RBP5: variants seen among roughly 807,000 people sequenced by gnomAD.
The protein encoded by RBP5 is retinol-binding protein 5.
Under a neutral mutation model 17.8 loss-of-function variants are expected in RBP5, and 12 were observed. That is an observed-to-expected ratio of 0.67 (90% CI 0.43 to 1.09). The LOEUF (loss-of-function observed/expected upper bound fraction) is 1.09, where lower values mean the gene tolerates loss of function less well. Among genes scored for constraint, RBP5 ranks in the 50% least tolerant of loss-of-function variants. RBP5 has a pLI of 0.00. For synonymous variants in RBP5, 64 were observed against 68.1 expected, an observed-to-expected ratio of 0.94 and a Z score of 0.30; for missense variants, 172 against 169.4, an observed-to-expected ratio of 1.02 and a Z score of -0.09.
chr12:7,129,841 G>A (rs376761763), upstream of RBP5: 28 of 981,858 alleles, frequency 2.9e-5, no homozygotes, highest in African/African-American at 4.4e-4. This position sits in a 1 kb window ranked among gnomAD's most constrained non-coding sequence, Gnocchi z 5.5. Flanking sequence ...CGTGCGCGAG[G>A]GGTGCACGAC....
chr12:7,128,877 A>ATCCTGTCTCTGTGTGTG lies in RBP5; in HGVS notation c.-103_-102insCACACACAGAGACAGGA. ...AGAGATTCCAGCCAGCTCCACACAC[A>ATCCTGTCTCTGTGTGTG]GAGACAGGATGTGTAATGGCCGGGT... is the stretch of plus-strand genomic sequence containing the variant. On this transcript the variant is annotated 5_prime_UTR_variant, in exon 1 of 4. In the 5' UTR this introduces an upstream ATG that the reference lacks. Transcript: ENST00000266560. The surrounding 1 kb of genome is among the most constrained non-coding windows in gnomAD (Gnocchi z 5.3). 1.1e-6 allele frequency: 1 copy of ATCCTGTCTCTGTGTGTG among 940,494 alleles called. No individual in the cohort carries two copies. The allele number at this position is 940,494 out of a possible 1,614,324, so 58.3% of individuals were successfully genotyped here.
In RBP5 at chr12:7,123,835, A is replaced by G; in HGVS notation, c.*286T>C. ...GTCAAATGGACAGGAGAGAGCGGAG[A>G]TTGGTTGTTCTCAGGGGCTCCTTCC... On this transcript the variant is annotated 3_prime_UTR_variant, in exon 4 of 4. Coordinates refer to ENST00000266560, the MANE Select transcript of RBP5 (RefSeq NM_031491.4). 2.4e-6 allele frequency: 1 copy of G among 423,906 alleles called. No homozygotes were observed. Among genetic ancestry groups the G allele is most frequent in the Non-Finnish European group, 4.3e-6 (1 of 232,166 alleles). The allele number at this position is 423,906 out of a possible 1,614,324, so 26.3% of individuals were successfully genotyped here.
In RBP5 at chr12:7,128,557, G is replaced by T; in HGVS notation, c.74-139C>A. 1.7e-6 allele frequency: 2 copies of T among 1,188,080 alleles called. No individual in the cohort carries two copies. The highest frequency in any genetic ancestry group is 2.4e-6 in the Non-Finnish European group (2 of 821,312). 73.6% of individuals were successfully genotyped at this position (1,188,080 alleles called of 1,614,324 possible). On this transcript the variant is annotated intron_variant, in intron 1 of 3. Coordinates refer to ENST00000266560, the MANE Select transcript of RBP5 (RefSeq NM_031491.4). The surrounding 1 kb of genome is among the most constrained non-coding windows in gnomAD (Gnocchi z 5.3). ...ACCCCCTCCTACCAATGCCTGGTTA[G>T]AAATGGATCCCAGGTCTGGTGCCAG...
upstream of RBP5, chr12:7,129,773 T>C (rs1177661561): frequency 8.1e-6 from 8 of 985,530 alleles, no homozygotes; most frequent in Non-Finnish European, 9.6e-6. This position sits in a 1 kb window ranked among gnomAD's most constrained non-coding sequence, Gnocchi z 5.5. Flanking sequence ...TAAGGTGAAA[T>C]TCGGGGCGAA....
At chr12:7,120,557 G>A (rs1220370861), downstream of RBP5, 1 of 155,738 alleles carries the variant, frequency 6.4e-6, no homozygotes, top group Non-Finnish European at 1.5e-5. Context: ...TTCACCTCCT[G>A]CTGTACCTAC....
At position 7,124,809 on chromosome 12, in the gene RBP5, C is replaced by T. The variant is rs1939134210; in HGVS notation, c.253-79G>A. On this transcript the variant is annotated intron_variant, in intron 2 of 3. Coordinates refer to ENST00000266560, the MANE Select transcript of RBP5 (RefSeq NM_031491.4). This position sits in a 1 kb window ranked among gnomAD's most constrained non-coding sequence, Gnocchi z 5.3. ...CTTCCCATCTCACTCTGAATGGGCT[C>T]CCCCTTTTACTCCACAGCAGATACT... is the stretch of plus-strand genomic sequence containing the variant. 3 of 812,692 alleles carry T rather than the reference C, an allele frequency of 3.7e-6. No homozygotes were observed. Among genetic ancestry groups the T allele is most frequent in the Non-Finnish European group, 6.5e-6 (3 of 464,242 alleles). 50.3% of individuals were successfully genotyped at this position (812,692 alleles called of 1,614,324 possible).
chr12:7,126,533 G>T (rs903622557), intron 2 of RBP5, among the ~76,000 whole-genome samples: 13 of 129,578 alleles, frequency 1.0e-4, no homozygotes, highest in Non-Finnish European at 1.8e-4. Flanking sequence ...GTGTGTGTGT[G>T]TGTGTGTGTG....
downstream of RBP5, among the ~76,000 whole-genome samples, chr12:7,120,346 G>A (rs1039623733): frequency 1.3e-5 from 2 of 152,274 alleles, no homozygotes; most frequent in South Asian, 4.1e-4. Flanking sequence ...GGTCTGGGGA[G>A]AGGGGGCAGG....
At chr12:7,127,632 A>G (rs925240190) in intron 2 of RBP5, 21 of 700,884 alleles carry the variant, frequency 3.0e-5, no homozygotes, top group African/African-American at 3.0e-4. Context: ...TGGAGGGCCA[A>G]CTGTATTTTG....
In RBP5 at chr12:7,128,622, C is replaced by T; in HGVS notation, c.73+81G>A. 2.2e-6 allele frequency: 3 copies of T among 1,370,086 alleles called. No homozygotes were observed. Among genetic ancestry groups the T allele is most frequent in the Non-Finnish European group, 2.0e-6 (2 of 982,208 alleles). 84.9% of individuals were successfully genotyped at this position (1,370,086 alleles called of 1,614,324 possible). ...CCACAGTGTCCAACCCCGGGCATTC[C>T]CTCTTCTCCATGGGACCAAGAAGCA... is the stretch of plus-strand genomic sequence containing the variant. On this transcript the variant is annotated intron_variant, in intron 1 of 3. Transcript: ENST00000266560. The surrounding 1 kb of genome is among the most constrained non-coding windows in gnomAD (Gnocchi z 5.3).
chr12:7,127,424 C>T lies in RBP5; in HGVS notation c.252+816G>A, dbSNP rs1291375217. On this transcript the variant is annotated intron_variant, in intron 2 of 3. Coordinates refer to ENST00000266560, the MANE Select transcript of RBP5 (RefSeq NM_031491.4). ...GGATTATGGGTGTGAGCCACCACGC[C>T]CAGCCTTTTCCCATATGCTTTAAAT... is the stretch of plus-strand genomic sequence containing the variant. 9 of 449,854 alleles carry T rather than the reference C, an allele frequency of 2.0e-5. No homozygotes were observed. In the Admixed American group the frequency reaches 3.2e-4, roughly 16 times the overall value. The allele number at this position is 449,854 out of a possible 1,614,324, so 27.9% of individuals were successfully genotyped here.
At chr12:7,129,857 G>T, upstream of RBP5, 1 of 971,594 alleles carries the variant, frequency 1.0e-6, no homozygotes, top group Non-Finnish European at 1.2e-6. The surrounding 1 kb of genome is among the most constrained non-coding windows in gnomAD (Gnocchi z 5.5). Flanking sequence ...ACGACGTCCT[G>T]CCCCTCCTTG....
Position 7,128,885 on chromosome 12 carries a change from G to A in RBP5, c.-110C>T. ...CAGCCAGCTCCACACACAGAGACAG[G>A]ATGTGTAATGGCCGGGTTACCAGGG... On this transcript the variant is annotated 5_prime_UTR_variant, in exon 1 of 4. Coordinates refer to ENST00000266560, the MANE Select transcript of RBP5 (RefSeq NM_031491.4). The surrounding 1 kb of genome is among the most constrained non-coding windows in gnomAD (Gnocchi z 5.3). 1 of 868,146 alleles carries A rather than the reference G, an allele frequency of 1.2e-6. No individual in the cohort carries two copies. Among genetic ancestry groups the A allele is most frequent in the East Asian group, 2.7e-5 (1 of 37,174 alleles). 53.8% of individuals were successfully genotyped at this position (868,146 alleles called of 1,614,324 possible). A position where few individuals can be genotyped will look rare whatever the true frequency, so the allele number is the denominator to read the frequency against.
At position 7,128,413 on chromosome 12, in the gene RBP5, T is replaced by C; in HGVS notation, c.79A>G (p.Ser27Gly). Residue 27 changes from serine to glycine, a missense_variant, in exon 2 of 4, where the codon AGC becomes GGC. Transcript: ENST00000266560. This position sits in a 1 kb window ranked among gnomAD's most constrained non-coding sequence, Gnocchi z 5.3. The stretch of plus-strand genomic sequence containing the variant: ...AGCGCGATCTTCCGCACAGCCAAGC[T>C]GATGTCTGTGGGGGCTGCCTGTTAG... ...MEDYLQALNI[S>G]LAVRKIALLL... 6.2e-7 allele frequency: 1 copy of C among 1,614,078 alleles called. No individual in the cohort carries two copies. Among genetic ancestry groups the C allele is most frequent in the Non-Finnish European group, 8.5e-7 (1 of 1,179,948 alleles).
chr12:7,122,091 T>C (rs1341878124), downstream of RBP5, among the ~76,000 whole-genome samples: 3 of 21,038 alleles, frequency 1.4e-4, no homozygotes, highest in Admixed American at 1.3e-3. Context: ...TGTTTATATG[T>C]GTGTGTGTGT....
At chr12:7,128,902 T>C, upstream of RBP5, 1 of 769,264 alleles carries the variant, frequency 1.3e-6, no homozygotes, top group East Asian at 2.8e-5. The surrounding 1 kb of genome is among the most constrained non-coding windows in gnomAD (Gnocchi z 5.3). Flanking sequence ...AATGGCCGGG[T>C]TACCAGGGCT....
At position 7,128,567 on chromosome 12, in the gene RBP5, C is replaced by T; in HGVS notation, c.73+136G>A. The T allele has an allele frequency of 8.4e-7, 1 of 1,189,100 alleles. No homozygotes were observed. Among genetic ancestry groups the T allele is most frequent in the Non-Finnish European group, 1.2e-6 (1 of 821,806 alleles). The allele number at this position is 1,189,100 out of a possible 1,614,324, so 73.7% of individuals were successfully genotyped here. On this transcript the variant is annotated intron_variant, in intron 1 of 3. Transcript: ENST00000266560. This position sits in a 1 kb window ranked among gnomAD's most constrained non-coding sequence, Gnocchi z 5.3. ...ACCAATGCCTGGTTAGAAATGGATC[C>T]CAGGTCTGGTGCCAGCCGCCTGAGC... is the stretch of plus-strand genomic sequence containing the variant.
At chr12:7,122,439 A>C (rs1939094527), downstream of RBP5, 1 of 152,198 alleles carries the variant, frequency 6.6e-6, no homozygotes, top group Non-Finnish European at 1.5e-5. Flanking sequence ...GATTGAGCCC[A>C]CTTTAGCTTG....
chr12:7,128,576 G>C lies in RBP5; in HGVS notation c.73+127C>G, dbSNP rs1479678575. ...TGGTTAGAAATGGATCCCAGGTCTG[G>C]TGCCAGCCGCCTGAGCCTTTCCACA... On this transcript the variant is annotated intron_variant, in intron 1 of 3. Coordinates refer to ENST00000266560, the MANE Select transcript of RBP5 (RefSeq NM_031491.4). This position sits in a 1 kb window ranked among gnomAD's most constrained non-coding sequence, Gnocchi z 5.3. 1 of 1,190,284 alleles carries C rather than the reference G, an allele frequency of 8.4e-7. No homozygotes were observed. Among genetic ancestry groups the C allele is most frequent in the African/African-American group, 1.5e-5 (1 of 65,764 alleles). The allele number at this position is 1,190,284 out of a possible 1,614,324, so 73.7% of individuals were successfully genotyped here.
Sources: gnomAD v4.1 joint callset for allele counts (sites outside exome capture counted in the v4.1 genomes callset) on GRCh38, gnomAD v4.1.1 for gene constraint, Gnocchi (gnomAD v3.1) non-coding constraint, MANE v1.5 for transcripts, NCBI Gene and HGNC (gene_info 2026-07-23, HGNC 2026-07-21) for gene names.